The following CAST variants were observed in gnomAD, a reference collection of about 807,000 sequenced individuals.
CAST encodes the protein MIR583 host.
CAST carries 76 observed loss-of-function variants against 119.6 expected under a neutral mutation model. The ratio of observed to expected loss-of-function variants is 0.64; its 90% CI spans 0.53 to 0.77. The LOEUF (loss-of-function observed/expected upper bound fraction) is 0.77. CAST is among the 30% of genes least tolerant of loss of function. CAST has a pLI of 0.00. For missense variants in CAST, 953 were observed against 946.5 expected (o/e 1.01, Z -0.09); for synonymous variants, 319 against 331.6 (o/e 0.96, Z 0.41).
At chr5:96,419,225 T>C in the CAST span, among the ~76,000 whole-genome samples, 1 of 151,272 alleles carries the variant, frequency 6.6e-6, no homozygotes, top group Non-Finnish European at 1.5e-5. Context: ...AAATGCCAGA[T>C]ATACAGATAT....
intron 1 of CAST, among the ~76,000 whole-genome samples, chr5:96,541,581 A>G (rs914973719): frequency 1.3e-5 from 2 of 152,236 alleles, no homozygotes; most frequent in African/African-American, 4.8e-5. Flanking sequence ...TATACAGAAC[A>G]GTTTCACTGC....
chr5:96,034,107 A>C, the CAST span, among the ~76,000 whole-genome samples: 1 of 152,062 alleles, frequency 6.6e-6, no homozygotes, highest in African/African-American at 2.4e-5. Flanking sequence ...CCTGTTTCTA[A>C]ATAAATAATA....
At chr5:96,185,061 A>T in the CAST span, among the ~76,000 whole-genome samples, 8 of 152,092 alleles carry the variant, frequency 5.3e-5, no homozygotes, top group African/African-American at 1.9e-4. Flanking sequence ...GGCATGAGAT[A>T]GTATCTCATT....
At chr5:96,438,364 A>G in the CAST span, among the ~76,000 whole-genome samples, 24 of 152,234 alleles carry the variant, frequency 1.6e-4, no homozygotes, top group Middle Eastern at 3.4e-3. Context: ...CATTGATACA[A>G]TATTCTTAAC....
chr5:96,228,003 CTGTGTGTGTG>C, the CAST span, among the ~76,000 whole-genome samples: 10 of 146,578 alleles, frequency 6.8e-5, no homozygotes, highest in African/African-American at 2.6e-4. Flanking sequence ...CTTTCTCTCT[CTGTGTGTGTG>C]TGTGTGTGTG....
chr5:96,391,339 C>G, the CAST span: 1 of 152,142 alleles, frequency 6.6e-6, no homozygotes, highest in Non-Finnish European at 1.5e-5. Context: ...CATGAATTAC[C>G]TTATGAAGTT....
the CAST span, among the ~76,000 whole-genome samples, chr5:95,965,580 T>C: frequency 6.6e-6 from 1 of 152,242 alleles, no homozygotes; most frequent in South Asian, 2.1e-4. Flanking sequence ...TCTCTCAATG[T>C]AGAATTTCCA....
the CAST span, among the ~76,000 whole-genome samples, chr5:95,998,693 T>C: frequency 6.6e-6 from 1 of 152,210 alleles, no homozygotes; most frequent in Non-Finnish European, 1.5e-5. Context: ...ATCTTTGGTA[T>C]TGTGAATAGT....
intron 2 of CAST, among the ~76,000 whole-genome samples, chr5:96,695,119 A>G: frequency 6.6e-6 from 1 of 152,166 alleles, no homozygotes; most frequent in East Asian, 1.9e-4. Flanking sequence ...AACTGTCACC[A>G]TGGCCAAGTA....
chr5:96,186,794 A>G, the CAST span, among the ~76,000 whole-genome samples: 4 of 152,316 alleles, frequency 2.6e-5, no homozygotes, highest in African/African-American at 9.6e-5. Context: ...CATCAAGGAT[A>G]TTCGCCTGAA....
At chr5:96,034,462 TACACACACACACACAC>T in the CAST span, among the ~76,000 whole-genome samples, 945 of 101,834 alleles carry the variant, frequency 9.3e-3, 13 homozygotes, top group African/African-American at 0.031. Flanking sequence ...GTATATATCA[TACACACACACACACAC>T]ACACACACAC....
chr5:96,102,062 T>A, the CAST span, among the ~76,000 whole-genome samples: 1 of 152,114 alleles, frequency 6.6e-6, no homozygotes, highest in Admixed American at 6.5e-5. Flanking sequence ...GACAGTGGTG[T>A]GTTATCAGCT....
At chr5:96,587,031 G>T (rs1258417618) in intron 1 of CAST, among the ~76,000 whole-genome samples, 2 of 152,156 alleles carry the variant, frequency 1.3e-5, no homozygotes, top group African/African-American at 2.4e-5. Flanking sequence ...CAAGTTTAAA[G>T]CCTCTGCTCT....
the CAST span, among the ~76,000 whole-genome samples, chr5:96,091,561 A>G: frequency 1.0e-4 from 14 of 138,778 alleles, no homozygotes; most frequent in Non-Finnish European, 4.5e-5. Context: ...GCTGGAGTGC[A>G]GTGGCACGAT....
the CAST span, among the ~76,000 whole-genome samples, chr5:96,254,975 T>C: frequency 6.6e-6 from 1 of 152,156 alleles, no homozygotes; most frequent in Non-Finnish European, 1.5e-5. Flanking sequence ...CAGTTATTCT[T>C]AATCCTACTT....
chr5:96,432,302 C>T, the CAST span: 1 of 627,432 alleles, frequency 1.6e-6, no homozygotes, highest in Non-Finnish European at 2.8e-6. Context: ...GCCTCCCAAC[C>T]TCCTGGTCGC....
chr5:96,173,865 C>CGACTAGGTGG, the CAST span, among the ~76,000 whole-genome samples: 1 of 151,974 alleles, frequency 6.6e-6, no homozygotes, highest in Non-Finnish European at 1.5e-5. Context: ...CTCAGCCTCC[C>CGACTAGGTGG]GACTAGGTGG....
At chr5:96,324,404 A>G in the CAST span, among the ~76,000 whole-genome samples, 10 of 152,368 alleles carry the variant, frequency 6.6e-5, no homozygotes, top group African/African-American at 2.2e-4. Flanking sequence ...GTGACTGCTT[A>G]GCTGAACTGG....
chr5:96,688,014 G>A (rs1752275498), intron 2 of CAST, among the ~76,000 whole-genome samples: 1 of 152,192 alleles, frequency 6.6e-6, no homozygotes, highest in Non-Finnish European at 1.5e-5. Context: ...GTGATATGGT[G>A]CTATCTGCCT....
Sources: gnomAD v4.1 joint callset for allele counts (sites outside exome capture counted in the v4.1 genomes callset) on GRCh38, gnomAD v4.1.1 for gene constraint, MANE v1.5 for transcripts, NCBI Gene and HGNC (gene_info 2026-07-23, HGNC 2026-07-21) for gene names.